PDZD2: variants seen among roughly 807,000 people sequenced by gnomAD.
The protein encoded by PDZD2 is PDZ domain containing 2, also known as PDZ domain-containing protein 2.
PDZD2 carries 90 observed loss-of-function variants against 220.7 expected under a neutral mutation model. That is an observed-to-expected ratio of 0.41 (90% CI 0.34 to 0.49). The LOEUF (loss-of-function observed/expected upper bound fraction) is 0.49, where lower values mean the gene tolerates loss of function less well. Among genes scored for constraint, PDZD2 ranks in the 20% least tolerant of loss-of-function variants. The probability of loss-of-function intolerance (pLI) is 0.28; values close to 1 mark genes in which losing one functional copy is unlikely to be tolerated. For missense variants in PDZD2, 3,174 were observed against 3,608.5 expected, an observed-to-expected ratio of 0.88 and a Z score of 3.08; for synonymous variants, 1,375 against 1,450.5, an observed-to-expected ratio of 0.95 and a Z score of 1.18.
intron 1 of PDZD2, among the ~76,000 whole-genome samples, chr5:31,789,732 A>C (rs1464533939): frequency 6.6e-6 from 1 of 152,192 alleles, no homozygotes; most frequent in African/African-American, 2.4e-5. Flanking sequence ...CAGCCTGGCC[A>C]ACGTGGTGAA....
At chr5:31,914,999 G>A (rs1001939671) in intron 2 of PDZD2, among the ~76,000 whole-genome samples, 9 of 152,196 alleles carry the variant, frequency 5.9e-5, no homozygotes, top group African/African-American at 2.2e-4. Flanking sequence ...TGGTGAAAAC[G>A]TGTACCTAGT....
chr5:31,824,476 G>GT (rs2150259709), intron 2 of PDZD2, among the ~76,000 whole-genome samples: 1 of 152,262 alleles, frequency 6.6e-6, no homozygotes, highest in African/African-American at 2.4e-5. Context: ...CAAATTTGAT[G>GT]TTTTTTCTGC....
chr5:31,822,628 C>A, intron 2 of PDZD2: 1 of 1,318,404 alleles, frequency 7.6e-7, no homozygotes. Flanking sequence ...TCCTGATATC[C>A]TTGTTTTTAA....
intron 2 of PDZD2, among the ~76,000 whole-genome samples, chr5:31,851,876 A>G (rs1366022053): frequency 2.6e-5 from 4 of 151,298 alleles, no homozygotes; most frequent in African/African-American, 4.8e-5. Flanking sequence ...TTTTCCCCTG[A>G]GATAGAGTCT....
At chr5:32,102,264 G>T (rs1744322324) in intron 24 of PDZD2, among the ~76,000 whole-genome samples, 1 of 152,012 alleles carries the variant, frequency 6.6e-6, no homozygotes, top group East Asian at 1.9e-4. Context: ...GCAGGCTGGG[G>T]CCCACCCAGG....
intron 18 of PDZD2, among the ~76,000 whole-genome samples, chr5:32,075,136 A>C (rs2112409702): frequency 6.6e-6 from 1 of 152,176 alleles, no homozygotes; most frequent in Middle Eastern, 3.4e-3. Flanking sequence ...ATGTATCAGC[A>C]GGTTAGTCAT....
chr5:31,865,614 C>T (rs62361598), intron 2 of PDZD2, among the ~76,000 whole-genome samples: 5,933 of 133,946 alleles, frequency 0.044, 150 homozygotes, highest in Non-Finnish European at 0.056. Context: ...TCTGTGTCTA[C>T]TGGCAACTTT....
intron 7 of PDZD2, among the ~76,000 whole-genome samples, chr5:32,047,579 C>T (rs1270433971): frequency 6.6e-6 from 1 of 152,080 alleles, no homozygotes; most frequent in Non-Finnish European, 1.5e-5. Flanking sequence ...CATTTGTGGC[C>T]CACAAAACCT....
chr5:31,706,290 A>G (rs887206040), intron 1 of PDZD2, among the ~76,000 whole-genome samples: 3 of 152,150 alleles, frequency 2.0e-5, no homozygotes, highest in Non-Finnish European at 4.4e-5. Context: ...ACATGGAGTA[A>G]TAGGTTCAGC....
chr5:31,707,716 T>A (rs1336816854), intron 1 of PDZD2, among the ~76,000 whole-genome samples: 1 of 152,110 alleles, frequency 6.6e-6, no homozygotes, highest in Non-Finnish European at 1.5e-5. Flanking sequence ...TAGCATCAAC[T>A]CCTGTGTTCA....
rs1324551162 is a variant in PDZD2, at chr5:32,108,847, A to G, written c.*712A>G. On this transcript the variant is annotated 3_prime_UTR_variant, in exon 25 of 25. Transcript: ENST00000438447. Reference sequence around the variant, plus strand: ...TGAAGTATTGATCATTTTCTATCTCAAAAGTGTAAGCCATAAGGCTGTTTT... The same window carrying G: ...TGAAGTATTGATCATTTTCTATCTCGAAAGTGTAAGCCATAAGGCTGTTTT... 1.3e-5 allele frequency: 2 copies of G among 152,668 alleles called. No homozygotes were observed. Among genetic ancestry groups the G allele is most frequent in the East Asian group, 3.8e-4 (2 of 5,204 alleles). The allele number at this position is 152,668 out of a possible 1,614,324, so 9.5% of individuals were successfully genotyped here. A position where few individuals can be genotyped will look rare whatever the true frequency, so the allele number is the denominator to read the frequency against.
chr5:31,725,780 C>G, intron 1 of PDZD2: 2 of 962,020 alleles, frequency 2.1e-6, no homozygotes, highest in Non-Finnish European at 3.3e-6. Context: ...GGACCGTGAT[C>G]TTGATTTGGA....
chr5:31,816,287 C>CAAAAAAAAAAA (rs34233316), intron 2 of PDZD2, among the ~76,000 whole-genome samples: 1 of 99,138 alleles, frequency 1.0e-5, no homozygotes, highest in Non-Finnish European at 2.1e-5. Context: ...GACTCCATCT[C>CAAAAAAAAAAA]AAAAAAAAAA....
intron 1 of PDZD2, among the ~76,000 whole-genome samples, chr5:31,732,332 A>G (rs917604595): frequency 1.3e-5 from 2 of 152,174 alleles, no homozygotes; most frequent in Non-Finnish European, 2.9e-5. Context: ...AGGTGACTCA[A>G]TGATGTCATC....
chr5:31,985,317 C>T (rs1317318576), intron 3 of PDZD2, among the ~76,000 whole-genome samples: 1 of 152,094 alleles, frequency 6.6e-6, no homozygotes, highest in Non-Finnish European at 1.5e-5. Context: ...GTTTAAGGCA[C>T]CAGGAGAAGG....
chr5:31,924,417 G>A (rs577964163), intron 2 of PDZD2, among the ~76,000 whole-genome samples: 1 of 152,294 alleles, frequency 6.6e-6, no homozygotes, highest in African/African-American at 2.4e-5. Context: ...TTGGGCCAAT[G>A]TCAAGAGTAA....
intron 1 of PDZD2, among the ~76,000 whole-genome samples, chr5:31,797,071 GCGCCCGC>G (rs1754082618): frequency 6.8e-6 from 1 of 147,628 alleles, no homozygotes; most frequent in Non-Finnish European, 1.5e-5. Flanking sequence ...GGCACCACAG[GCGCCCGC>G]CACCACACCC....
At position 31,646,905 on chromosome 5, in the gene PDZD2, CAA is replaced by C. The variant is rs752216814; in HGVS notation, c.-361+7469_-361+7470del. Among the ~76,000 whole-genome samples, 9 of 151,972 alleles carry C rather than the reference CAA, an allele frequency of 5.9e-5. No individual in the cohort carries two copies. Among genetic ancestry groups the C allele is most frequent in the Non-Finnish European group, 1.2e-4 (8 of 68,032 alleles). The stretch of plus-strand genomic sequence containing the variant: ...GAGTGTCCCCATCAGCGTGGATTCC[CAA>C]GAGAGAGCAGGCAGTGAGATGGCAC... On this transcript the variant is annotated intron_variant, in intron 1 of 24. Coordinates refer to ENST00000438447, the MANE Select transcript of PDZD2 (RefSeq NM_178140.4). The surrounding 1 kb of genome is among the most constrained non-coding windows in gnomAD (Gnocchi z 4.7).
chr5:31,685,786 A>G (rs1247625049), intron 1 of PDZD2, among the ~76,000 whole-genome samples: 1 of 152,200 alleles, frequency 6.6e-6, no homozygotes, highest in Non-Finnish European at 1.5e-5. Flanking sequence ...GGCTTCCCAC[A>G]GTGGGATTAC....
Sources: allele counts gnomAD v4.1 joint callset (sites outside exome capture counted in the v4.1 genomes callset), GRCh38; gene constraint gnomAD v4.1.1; non-coding constraint Gnocchi (gnomAD v3.1); transcripts MANE v1.5; gene names NCBI Gene and HGNC (gene_info 2026-07-23, HGNC 2026-07-21).